The following GGT1 variants were observed in gnomAD, a reference collection of about 807,000 sequenced individuals.
GGT1 encodes glutathione hydrolase 1 proenzyme.
GGT1 carries 21 observed loss-of-function variants against 56.0 expected under a neutral mutation model. The ratio of observed to expected loss-of-function variants is 0.38; its 90% CI spans 0.27 to 0.54. The LOEUF is 0.54. Among genes scored for constraint, GGT1 ranks in the 20% least tolerant of loss-of-function variants. The pLI is 0.82. For missense variants in GGT1, 466 were observed against 787.0 expected, an observed-to-expected ratio of 0.59 and a Z score of 4.88; for synonymous variants, 238 against 342.6, an observed-to-expected ratio of 0.69 and a Z score of 3.37.
chr22:24,594,453 G>A (rs1476003596), upstream of GGT1, among the ~76,000 whole-genome samples: 1 of 150,594 alleles, frequency 6.6e-6, no homozygotes, highest in African/African-American at 2.5e-5. Flanking sequence ...GAAGATTCAA[G>A]GTTCCTTCCT....
chr22:24,621,454 G>A (rs912396938), intron 9 of GGT1, among the ~76,000 whole-genome samples: 9 of 151,766 alleles, frequency 5.9e-5, no homozygotes, highest in African/African-American at 1.7e-4. Flanking sequence ...AGTAGAGGGC[G>A]CTTTGATTCA....
chr22:24,620,430 A>G lies in GGT1; in HGVS notation c.485A>G (p.Gln162Arg). 1.9e-6 allele frequency: 3 copies of G among 1,611,564 alleles called. No homozygotes were observed. Among genetic ancestry groups the G allele is most frequent in the South Asian group, 1.1e-5 (1 of 90,972 alleles). The change falls in exon 8 of 16, where the codon CAG becomes CGG. Residue 162 changes from glutamine to arginine, a missense_variant. Transcript: ENST00000400382. The surrounding 1 kb of genome is among the most constrained non-coding windows in gnomAD (Gnocchi z 5.6). ...GCTCGCCTCTTCCAGCCCAGCATCC[A>G]GCTGGCCCGCCAGGGCTTCCCCGTG... ...PWARLFQPSI[Q>R]LARQGFPVGK...
At chr22:24,604,616 G>C (rs534648062) in intron 1 of GGT1, among the ~76,000 whole-genome samples, 1 of 152,204 alleles carries the variant, frequency 6.6e-6, no homozygotes, top group African/African-American at 2.4e-5. Context: ...CCCAGGACAA[G>C]AGCTGTGGGG....
At chr22:24,608,465 C>T (rs80178758) in intron 2 of GGT1, among the ~76,000 whole-genome samples, 17 of 152,272 alleles carry the variant, frequency 1.1e-4, no homozygotes, top group South Asian at 2.1e-4. Flanking sequence ...GGACCCTGAC[C>T]GGGGGCTCAG....
At position 24,622,758 on chromosome 22, in the gene GGT1, A is replaced by G. The variant is rs564854757; in HGVS notation, c.734-349A>G. On this transcript the variant is annotated intron_variant, in intron 9 of 15. Coordinates refer to ENST00000400382, the MANE Select transcript of GGT1 (RefSeq NM_001288833.2). ...TCCTATCTCTAAAAAAAAAAAAGAA[A>G]AGAAAACACTCTGTGGCCACAGATG... 1.8e-4 allele frequency among the ~76,000 whole-genome samples: 27 copies of G among 152,154 alleles called. No individual in the cohort carries two copies. The South Asian group carries it at 5.0e-3, about 28-fold the overall frequency.
In GGT1 at chr22:24,628,555, C is replaced by T. The variant is rs2047931631; in HGVS notation, c.1564-138C>T. On this transcript the variant is annotated intron_variant, in intron 15 of 15. Coordinates refer to ENST00000400382, the MANE Select transcript of GGT1 (RefSeq NM_001288833.2). The surrounding 1 kb of genome is among the most constrained non-coding windows in gnomAD (Gnocchi z 5.7). ...GGCCAAGCCCCCTGCTCCAGTGAGA[C>T]CCAGCAGGCCCCAACCTGCTCTTCC... 3 of 832,124 alleles carry T rather than the reference C, an allele frequency of 3.6e-6. No homozygotes were observed. Among genetic ancestry groups the T allele is most frequent in the Admixed American group, 2.6e-5 (1 of 38,146 alleles). The allele number at this position is 832,124 out of a possible 1,614,324, so 51.5% of individuals were successfully genotyped here. A position where few individuals can be genotyped will look rare whatever the true frequency, so the allele number is the denominator to read the frequency against.
intron 1 of GGT1, among the ~76,000 whole-genome samples, chr22:24,597,273 GCCCAA>G: frequency 6.6e-6 from 1 of 152,220 alleles, no homozygotes; most frequent in South Asian, 2.1e-4. Context: ...GAGCCACTGT[GCCCAA>G]CAGGGCTCAT....
chr22:24,605,811 T>C (rs1336106592), intron 1 of GGT1, among the ~76,000 whole-genome samples: 3 of 73,066 alleles, frequency 4.1e-5, no homozygotes, highest in African/African-American at 1.8e-4. Context: ...ATGTGTATTA[T>C]ATATTATATA....
chr22:24,621,621 G>A (rs531468012), intron 9 of GGT1, among the ~76,000 whole-genome samples: 2 of 152,042 alleles, frequency 1.3e-5, no homozygotes, highest in East Asian at 3.9e-4. Flanking sequence ...TACCACTGAG[G>A]CTGGAAATTG....
At chr22:24,584,537 T>C in the GGT1 span, among the ~76,000 whole-genome samples, 2 of 152,170 alleles carry the variant, frequency 1.3e-5, no homozygotes, top group Non-Finnish European at 2.9e-5. Flanking sequence ...CCAGCCAGAC[T>C]GGGAATGTGC....
upstream of GGT1, chr22:24,593,092 CG>C (rs2045623405): frequency 9.7e-7 from 1 of 1,034,420 alleles, no homozygotes; most frequent in Admixed American, 5.6e-5. Context: ...GTCTGCGCCC[CG>C]CTCCCGGGGC....
At position 24,628,566 on chromosome 22, in the gene GGT1, C is replaced by A. The variant is rs1227340269; in HGVS notation, c.1564-127C>A. On this transcript the variant is annotated intron_variant, in intron 15 of 15. Coordinates refer to ENST00000400382, the MANE Select transcript of GGT1 (RefSeq NM_001288833.2). This position sits in a 1 kb window ranked among gnomAD's most constrained non-coding sequence, Gnocchi z 5.7. ...CTGCTCCAGTGAGACCCAGCAGGCC[C>A]CAACCTGCTCTTCCTGATGACCTGG... 1.0e-6 allele frequency: 1 copy of A among 1,002,430 alleles called. No homozygotes were observed. The highest frequency in any genetic ancestry group is 1.5e-6 in the Non-Finnish European group (1 of 676,074). The allele number at this position is 1,002,430 out of a possible 1,614,324, so 62.1% of individuals were successfully genotyped here. A position where few individuals can be genotyped will look rare whatever the true frequency, so the allele number is the denominator to read the frequency against.
the GGT1 span, chr22:24,588,068 T>C: frequency 4.6e-6 from 3 of 659,086 alleles, no homozygotes; most frequent in East Asian, 8.2e-5. Context: ...CCAGGCTGAC[T>C]TCCAGGGTAG....
At chr22:24,626,126 G>A (rs147866692) in intron 11 of GGT1, among the ~76,000 whole-genome samples, 2,191 of 145,980 alleles carry the variant, frequency 0.015, 62 homozygotes, top group African/African-American at 0.057. Flanking sequence ...CCAAGTAGCT[G>A]GGACTACATG....
At chr22:24,617,907 C>T (rs1219143851) in intron 7 of GGT1, among the ~76,000 whole-genome samples, 2 of 151,442 alleles carry the variant, frequency 1.3e-5, no homozygotes, top group African/African-American at 2.4e-5. Context: ...GGGGGAGACT[C>T]GGGTGGAGCC....
chr22:24,597,383 G>C (rs1324094085), intron 1 of GGT1, among the ~76,000 whole-genome samples: 1 of 152,130 alleles, frequency 6.6e-6, no homozygotes, highest in African/African-American at 2.4e-5. Context: ...AACTCAAACT[G>C]TGTTTTTTGG....
the GGT1 span, chr22:24,586,156 G>A: frequency 1.2e-6 from 2 of 1,613,502 alleles, no homozygotes; most frequent in South Asian, 1.1e-5. Context: ...CAGTGAGCTT[G>A]CGGGCAGTGG....
chr22:24,627,796 A>G (rs2047887613), intron 12 of GGT1, 56 bp from the exon 13 acceptor site: 2 of 1,581,560 alleles, frequency 1.3e-6, no homozygotes, highest in Non-Finnish European at 1.7e-6. Flanking sequence ...GTGGGTGGAT[A>G]GGGACCAGGC....
the GGT1 span, chr22:24,588,365 C>G: frequency 1.3e-6 from 2 of 1,514,498 alleles, no homozygotes; most frequent in Non-Finnish European, 1.8e-6. Context: ...TGAATCTGAG[C>G]CCCTCCTGCC....
Sources: gnomAD v4.1 joint callset for allele counts (sites outside exome capture counted in the v4.1 genomes callset) on GRCh38, gnomAD v4.1.1 for gene constraint, Gnocchi (gnomAD v3.1) non-coding constraint, MANE v1.5 for transcripts, NCBI Gene and HGNC (gene_info 2026-07-23, HGNC 2026-07-21) for gene names.